Variants in MARCHF1 observed in about 807,000 individuals in gnomAD.
MARCHF1 encodes membrane associated ring-CH-type finger 1, also known as E3 ubiquitin-protein ligase MARCHF1.
A neutral mutation model predicts 54.2 loss-of-function variants in MARCHF1; 40 were observed. The ratio of observed to expected loss-of-function variants is 0.74; its 90% CI spans 0.57 to 0.96. The LOEUF (loss-of-function observed/expected upper bound fraction) is 0.96, where lower values mean the gene tolerates loss of function less well. Ranked by LOEUF, MARCHF1 falls within the 40% of genes least tolerant of loss-of-function variation. The pLI is 0.00. For synonymous variants in MARCHF1, 236 were observed against 236.3 expected (o/e 1.00, Z 0.01); for missense variants, 586 against 656.5 (o/e 0.89, Z 1.17).
intron 1 of MARCHF1, among the ~76,000 whole-genome samples, chr4:164,303,120 G>A (rs1734607385): frequency 6.6e-6 from 1 of 152,038 alleles, no homozygotes; most frequent in Admixed American, 6.6e-5. Flanking sequence ...CTGCTCCTTG[G>A]GATGGTTCAC....
intron 1 of MARCHF1, among the ~76,000 whole-genome samples, chr4:164,308,523 T>A (rs1473882799): frequency 6.6e-6 from 1 of 152,154 alleles, no homozygotes; most frequent in Non-Finnish European, 1.5e-5. Context: ...CACCTTGCAC[T>A]CCTTGCAGTT....
rs115716848 is a variant in MARCHF1, at chr4:163,750,641, A to G, written c.112-49778T>C. 7.6e-3 allele frequency among the ~76,000 whole-genome samples: 1,151 copies of G among 152,314 alleles called. 8 individuals are homozygous for G. The highest frequency in any genetic ancestry group is 0.022 in the South Asian group (104 of 4,828). ...TATATGGGCAAATAATTTCAAGCACACACAAACTCCTCCAGAGAATAACAA... is the reference window on the plus strand; with the variant it reads ...TATATGGGCAAATAATTTCAAGCACGCACAAACTCCTCCAGAGAATAACAA... On this transcript the variant is annotated intron_variant, in intron 4 of 9. Coordinates refer to ENST00000514618, the MANE Select transcript of MARCHF1 (RefSeq NM_001394959.1).
intron 5 of MARCHF1, among the ~76,000 whole-genome samples, chr4:163,693,286 A>G (rs1031998790): frequency 1.3e-5 from 2 of 151,468 alleles, no homozygotes; most frequent in African/African-American, 2.4e-5. Flanking sequence ...CATTTCTTCC[A>G]GAGTTAAGAC....
In MARCHF1 at chr4:164,101,112, A is replaced by C. The variant is rs188246051; in HGVS notation, c.-248+10476T>G. Reference sequence around the variant, plus strand: ...TCCCGCACCTGGCTCGGAGGGTCCTACGCCCACGGAGTCTTGCTGATTGCT... The same window carrying C: ...TCCCGCACCTGGCTCGGAGGGTCCTCCGCCCACGGAGTCTTGCTGATTGCT... On this transcript the variant is annotated intron_variant, in intron 2 of 9. Coordinates refer to ENST00000514618, the MANE Select transcript of MARCHF1 (RefSeq NM_001394959.1). 3.7e-3 allele frequency among the ~76,000 whole-genome samples: 560 copies of C among 152,312 alleles called. 3 individuals are homozygous for C. Among genetic ancestry groups the C allele is most frequent in the African/African-American group, 0.013 (531 of 41,574 alleles).
intron 5 of MARCHF1, among the ~76,000 whole-genome samples, chr4:163,615,684 C>A (rs1474121661): frequency 6.6e-6 from 1 of 152,010 alleles, no homozygotes; most frequent in Non-Finnish European, 1.5e-5. Context: ...GCAAACCCTA[C>A]CAAAATATCA....
chr4:163,531,463 G>T (rs766713478), intron 9 of MARCHF1, among the ~76,000 whole-genome samples: 2 of 151,710 alleles, frequency 1.3e-5, no homozygotes, highest in Non-Finnish European at 3.0e-5. Flanking sequence ...TCCTTAATGC[G>T]ATAAAGAACA....
At chr4:164,229,181 C>T (rs551017906) in intron 1 of MARCHF1, among the ~76,000 whole-genome samples, 1 of 152,274 alleles carries the variant, frequency 6.6e-6, no homozygotes, top group Non-Finnish European at 1.5e-5. Context: ...CTTCAAGAAG[C>T]AAAGCCTGAT....
At chr4:164,008,243 A>G (rs1285874414) in intron 2 of MARCHF1, among the ~76,000 whole-genome samples, 1 of 152,174 alleles carries the variant, frequency 6.6e-6, no homozygotes, top group African/African-American at 2.4e-5. Flanking sequence ...GAATAAGTTC[A>G]TTACATAATC....
intron 1 of MARCHF1, among the ~76,000 whole-genome samples, chr4:164,292,239 T>C (rs1734300390): frequency 6.6e-6 from 1 of 152,272 alleles, no homozygotes; most frequent in East Asian, 1.9e-4. Flanking sequence ...GAAAAATTTA[T>C]GCAAAATAGA....
At chr4:163,722,101 G>A (rs1019803968) in intron 4 of MARCHF1, among the ~76,000 whole-genome samples, 4 of 151,770 alleles carry the variant, frequency 2.6e-5, no homozygotes, top group Admixed American at 6.6e-5. Context: ...TTGCTTCTCT[G>A]GTTCTTTTAA....
intron 4 of MARCHF1, among the ~76,000 whole-genome samples, chr4:163,778,942 C>G (rs1043359280): frequency 1.3e-5 from 2 of 152,086 alleles, no homozygotes; most frequent in Non-Finnish European, 2.9e-5. Context: ...GAAATTTGTG[C>G]AAGCAACGAA....
intron 3 of MARCHF1, among the ~76,000 whole-genome samples, chr4:163,929,625 T>C (rs900609376): frequency 6.6e-6 from 1 of 151,784 alleles, no homozygotes; most frequent in African/African-American, 2.4e-5. Flanking sequence ...TATATCAATA[T>C]GTCAATGATA....
intron 4 of MARCHF1, among the ~76,000 whole-genome samples, chr4:163,783,057 A>G (rs1253927952): frequency 6.6e-6 from 1 of 152,240 alleles, no homozygotes; most frequent in East Asian, 1.9e-4. Context: ...GATCAGAAAT[A>G]TAAATGATTT....
At chr4:163,977,776 T>C (rs921925339) in intron 3 of MARCHF1, among the ~76,000 whole-genome samples, 1 of 152,194 alleles carries the variant, frequency 6.6e-6, no homozygotes, top group Non-Finnish European at 1.5e-5. Context: ...TGAAAAAAGT[T>C]ACCATTTCTC....
At chr4:164,232,766 GTATT>G (rs137961193) in intron 1 of MARCHF1, among the ~76,000 whole-genome samples, 3,155 of 152,210 alleles carry the variant, frequency 0.021, 97 homozygotes, top group East Asian at 0.12. Context: ...TGGTTAAAGA[GTATT>G]TAAGTTAGAG....
intron 1 of MARCHF1, among the ~76,000 whole-genome samples, chr4:164,330,929 G>C (rs1204170104): frequency 6.6e-6 from 1 of 152,126 alleles, no homozygotes; most frequent in African/African-American, 2.4e-5. Context: ...TTCTGTAAAA[G>C]TGATTTTGAA....
intron 1 of MARCHF1, among the ~76,000 whole-genome samples, chr4:164,195,230 GTTT>G (rs534645067): frequency 6.6e-6 from 1 of 150,846 alleles, no homozygotes; most frequent in Non-Finnish European, 1.5e-5. Context: ...CTAGAAAATT[GTTT>G]TTTTTCTTGT....
intron 5 of MARCHF1, among the ~76,000 whole-genome samples, chr4:163,681,600 T>A (rs948305204): frequency 6.6e-6 from 1 of 152,098 alleles, no homozygotes; most frequent in Non-Finnish European, 1.5e-5. Context: ...TGAGACCTGA[T>A]GGTTTTATAA....
chr4:164,222,007 G>C (rs1308693213), intron 1 of MARCHF1, among the ~76,000 whole-genome samples: 1 of 151,950 alleles, frequency 6.6e-6, no homozygotes, highest in East Asian at 1.9e-4. Context: ...TGGACCTGGT[G>C]TGACAAGATG....
Sources: allele counts gnomAD v4.1 joint callset (sites outside exome capture counted in the v4.1 genomes callset), GRCh38; gene constraint gnomAD v4.1.1; transcripts MANE v1.5; gene names NCBI Gene and HGNC (gene_info 2026-07-23, HGNC 2026-07-21).